Variants in NGF observed in about 807,000 individuals in gnomAD.
NGF encodes beta-nerve growth factor.
NGF carries 4 observed loss-of-function variants against 12.8 expected under a neutral mutation model. The observed-to-expected ratio is 0.31, with a 90% confidence interval of 0.15 to 0.72. The LOEUF (loss-of-function observed/expected upper bound fraction) is 0.72. Among genes scored for constraint, NGF ranks in the 30% least tolerant of loss-of-function variants. The pLI, the probability that NGF is intolerant of heterozygous loss-of-function variation, is 0.69. For synonymous variants in NGF, 140 were observed against 130.0 expected (o/e 1.08, Z -0.52); for missense variants, 283 against 330.8 (o/e 0.86, Z 1.12).
chr1:115,306,887 A>C (rs115386453), intron 1 of NGF, among the ~76,000 whole-genome samples: 2,179 of 152,324 alleles, frequency 0.014, 51 homozygotes, highest in African/African-American at 0.05. Context: ...CATGGCCATT[A>C]ATTATGCAGT....
chr1:115,328,712 G>C (rs941903850), intron 1 of NGF, among the ~76,000 whole-genome samples: 19 of 152,168 alleles, frequency 1.2e-4, no homozygotes, highest in East Asian at 7.7e-4. Context: ...CAAAGTCACT[G>C]AACCCACACT....
intron 1 of NGF, among the ~76,000 whole-genome samples, chr1:115,337,251 T>TTTTTG (rs1655135060): frequency 6.9e-6 from 1 of 143,980 alleles, no homozygotes. Flanking sequence ...CTCGAAATTT[T>TTTTTG]TTTTGTTTTG....
chr1:115,304,986 A>G (rs1654159491), intron 1 of NGF, among the ~76,000 whole-genome samples: 1 of 152,192 alleles, frequency 6.6e-6, no homozygotes, highest in African/African-American at 2.4e-5. Context: ...CAGGGATAGG[A>G]TAGAAATCCC....
intron 1 of NGF, among the ~76,000 whole-genome samples, chr1:115,307,401 G>A (rs1338429851): frequency 2.0e-5 from 3 of 152,152 alleles, no homozygotes; most frequent in Non-Finnish European, 4.4e-5. Flanking sequence ...GCAAGAGAGA[G>A]TGAAGCTGAG....
At chr1:115,324,001 G>A (rs529037641) in intron 1 of NGF, among the ~76,000 whole-genome samples, 44 of 152,248 alleles carry the variant, frequency 2.9e-4, no homozygotes, top group African/African-American at 9.2e-4. Flanking sequence ...GGAATCCCGG[G>A]ACCTTGGAAA....
chr1:115,299,503 C>G (rs369150111), intron 1 of NGF, among the ~76,000 whole-genome samples: 1 of 152,112 alleles, frequency 6.6e-6, no homozygotes, highest in Non-Finnish European at 1.5e-5. Flanking sequence ...AGCTGTATGA[C>G]GGCCCACACC....
chr1:115,337,261 G>GTTTTGT (rs1655139013), intron 1 of NGF, among the ~76,000 whole-genome samples: 2 of 11,756 alleles, frequency 1.7e-4, no homozygotes, highest in Non-Finnish European at 3.8e-4. Flanking sequence ...TTTTTGTTTT[G>GTTTTGT]TTTTTGTTTT....
At chr1:115,292,416 T>A (rs964929198) in intron 2 of NGF, among the ~76,000 whole-genome samples, 1 of 152,246 alleles carries the variant, frequency 6.6e-6, no homozygotes, top group African/African-American at 2.4e-5. Context: ...AATGCTCGAT[T>A]CTGTAGGTCT....
intron 1 of NGF, among the ~76,000 whole-genome samples, chr1:115,306,060 T>G (rs1654194968): frequency 6.6e-6 from 1 of 152,204 alleles, no homozygotes; most frequent in African/African-American, 2.4e-5. Context: ...TTTGTTGAGC[T>G]TAAACAAAAC....
At chr1:115,316,219 G>A (rs1036813581) in intron 1 of NGF, among the ~76,000 whole-genome samples, 2 of 152,102 alleles carry the variant, frequency 1.3e-5, no homozygotes, top group African/African-American at 4.8e-5. Context: ...CACCCAGACT[G>A]GTTATCTCTA....
At chr1:115,323,133 G>A (rs951515200) in intron 1 of NGF, among the ~76,000 whole-genome samples, 1 of 152,202 alleles carries the variant, frequency 6.6e-6, no homozygotes, top group Non-Finnish European at 1.5e-5. Flanking sequence ...CAAGAAGGAA[G>A]GACCAGGGCC....
Position 115,286,014 on chromosome 1 carries a change from T to C in NGF, c.*56A>G, listed in dbSNP as rs1653484909. On this transcript the variant is annotated 3_prime_UTR_variant, in exon 3 of 3. Coordinates refer to ENST00000369512, the MANE Select transcript of NGF (RefSeq NM_002506.3). The stretch of plus-strand genomic sequence containing the variant: ...ATTTAAAATAATTTACAGGTTGAGG[T>C]AGGGAGGGGCCCAGGAGAGTGTAGA... 3 of 1,585,952 alleles carry C rather than the reference T, an allele frequency of 1.9e-6. No individual in the cohort carries two copies. The highest frequency in any genetic ancestry group is 3.5e-5 in the Admixed American group (2 of 57,434).
chr1:115,326,474 A>C (rs1654781880), intron 1 of NGF, among the ~76,000 whole-genome samples: 1 of 152,186 alleles, frequency 6.6e-6, no homozygotes. Flanking sequence ...AAATGAGGGC[A>C]CTATAGCAAC....
chr1:115,286,316 C>T lies in NGF; in HGVS notation c.480G>A (p.Leu160=), dbSNP rs1175374447. 87 of 1,614,082 alleles carry T rather than the reference C, an allele frequency of 5.4e-5. No homozygotes were observed. The highest frequency in any genetic ancestry group is 7.1e-5 in the Non-Finnish European group (84 of 1,180,048). ...CACTGTTGTTAATGTTCACCTCTCC[C>T]AACACCATCACCTCCTTGCCCTTGA... ...TDIKGKEVMV[L]GEVNINNSVF... is the part of the protein sequence containing the mutation. The change falls in exon 3 of 3, where the codon TTG becomes TTA. Residue 160 remains leucine (L), a synonymous_variant. Coordinates refer to ENST00000369512, the MANE Select transcript of NGF (RefSeq NM_002506.3).
chr1:115,305,825 G>T (rs757230944), intron 1 of NGF, among the ~76,000 whole-genome samples: 15 of 152,150 alleles, frequency 9.9e-5, no homozygotes, highest in Non-Finnish European at 1.8e-4. Flanking sequence ...TATGCATTTT[G>T]GATAAGACTT....
intron 1 of NGF, among the ~76,000 whole-genome samples, chr1:115,319,233 C>T (rs565593699): frequency 6.6e-6 from 1 of 152,236 alleles, no homozygotes; most frequent in African/African-American, 2.4e-5. Flanking sequence ...TTAACCAGAC[C>T]CGGTGACTGG....
intron 1 of NGF, among the ~76,000 whole-genome samples, chr1:115,332,604 GC>G (rs994115994): frequency 6.6e-6 from 1 of 152,096 alleles, no homozygotes; most frequent in African/African-American, 2.4e-5. Context: ...GTTCGTTGGT[GC>G]CCCCCTCATG....
At chr1:115,315,250 A>AT (rs2101043574) in intron 1 of NGF, among the ~76,000 whole-genome samples, 1 of 152,316 alleles carries the variant, frequency 6.6e-6, no homozygotes, top group South Asian at 2.1e-4. Context: ...GATATATTTT[A>AT]AGAGGAACAC....
chr1:115,312,557 A>G (rs911269384), intron 1 of NGF, among the ~76,000 whole-genome samples: 3 of 152,232 alleles, frequency 2.0e-5, no homozygotes, highest in Non-Finnish European at 2.9e-5. Context: ...TCACATGAAA[A>G]TGCTGATATT....
Sources: allele counts gnomAD v4.1 joint callset (sites outside exome capture counted in the v4.1 genomes callset), GRCh38; gene constraint gnomAD v4.1.1; transcripts MANE v1.5; gene names NCBI Gene and HGNC (gene_info 2026-07-23, HGNC 2026-07-21).